PARD6B: variants seen among roughly 807,000 people sequenced by gnomAD.
PARD6B encodes the protein partitioning defective 6 homolog beta.
Under a neutral mutation model 10.5 loss-of-function variants are expected in PARD6B, and 4 were observed. The observed-to-expected ratio is 0.38, with a 90% CI of 0.19 to 0.87. The LOEUF (loss-of-function observed/expected upper bound fraction) is 0.87. Ranked by LOEUF, PARD6B falls within the 40% of genes least tolerant of loss-of-function variation. PARD6B has a pLI of 0.41. For synonymous variants in PARD6B, 169 were observed against 170.4 expected (o/e 0.99, Z 0.07); for missense variants, 396 against 470.6 (o/e 0.84, Z 1.47).
At chr20:50,741,793 G>C (rs1406092345) in intron 2 of PARD6B, among the ~76,000 whole-genome samples, 2 of 151,862 alleles carry the variant, frequency 1.3e-5, no homozygotes, top group Non-Finnish European at 2.9e-5. Flanking sequence ...TGATCCGCCC[G>C]TCTCGGCCTC....
Position 50,752,708 on chromosome 20 carries a change from T to G in PARD6B, c.*2220T>G. On this transcript the variant is annotated 3_prime_UTR_variant, in exon 3 of 3. Transcript: ENST00000371610. ...TTACAACAATGAAGATTCAAATGACTCCGCTTTGAAGGATGTTTTCTCTAT... is the reference window on the plus strand; with the variant it reads ...TTACAACAATGAAGATTCAAATGACGCCGCTTTGAAGGATGTTTTCTCTAT... The G allele has an allele frequency of 1.0e-6, 1 of 980,596 alleles. No individual in the cohort carries two copies. 60.7% of individuals were successfully genotyped at this position (980,596 alleles called of 1,614,324 possible).
In PARD6B at chr20:50,738,061, A is replaced by G. The variant is rs142921418; in HGVS notation, c.271A>G (p.Ile91Val). Residue 91 changes from isoleucine (I) to valine (V), a missense_variant, in exon 2 of 3, where the codon ATA becomes GTA. By Grantham distance (29) the Ile-to-Val change is conservative. This residue lies in a region of PARD6B where 208 missense variants were observed against 300.9 expected (regional missense o/e 0.69). Transcript: ENST00000371610. Reference protein sequence around the residue: ...AVSTANPLLRIFIQKKEEADY... With the variant: ...AVSTANPLLRVFIQKKEEADY... ...TTCAACGGCCAATCCACTGCTTAGG[A>G]TATTTATACAAAAGAAGGGTAAGTA... The G allele has an allele frequency of 8.0e-3, 12,782 of 1,601,864 alleles. 53 individuals are homozygous for G. The highest frequency in any genetic ancestry group is 9.4e-3 in the Non-Finnish European group (11,014 of 1,174,560).
rs769617961 is a variant in PARD6B at position 50,752,242 on chromosome 20, A to G, written c.*1754A>G. 6 of 985,532 alleles carry G rather than the reference A, an allele frequency of 6.1e-6. No individual in the cohort carries two copies. The highest frequency in any genetic ancestry group is 7.2e-6 in the Non-Finnish European group (6 of 829,894). 61.0% of individuals were successfully genotyped at this position (985,532 alleles called of 1,614,324 possible). On this transcript the variant is annotated 3_prime_UTR_variant, in exon 3 of 3. Transcript: ENST00000371610. ...GTGTATTTTTGTTGGTGTGCTTTTA[A>G]TGCATCCAAGTATGCATCATTTTGG... is the stretch of plus-strand genomic sequence containing the variant.
intron 1 of PARD6B, among the ~76,000 whole-genome samples, chr20:50,733,209 C>T (rs1326075123): frequency 6.6e-6 from 1 of 152,208 alleles, no homozygotes; most frequent in Non-Finnish European, 1.5e-5. Flanking sequence ...CACCTGAGGT[C>T]AGGAGTGCCA....
At position 50,752,026 on chromosome 20, in the gene PARD6B, T is replaced by C. The variant is rs938626443; in HGVS notation, c.*1538T>C. 1.5e-5 allele frequency: 15 copies of C among 985,438 alleles called. No individual in the cohort carries two copies. Among genetic ancestry groups the C allele is most frequent in the Non-Finnish European group, 1.6e-5 (13 of 829,924 alleles). The allele number at this position is 985,438 out of a possible 1,614,324, so 61.0% of individuals were successfully genotyped here. On this transcript the variant is annotated 3_prime_UTR_variant, in exon 3 of 3. Transcript: ENST00000371610. ...TATCTTTTCTTGAGTTATGAAACTT[T>C]GCAACAGTTGTTCAAATTGGTGTTT...
rs760736187 is a variant in PARD6B at position 50,752,475 on chromosome 20, C to T, written c.*1987C>T. 1.0e-6 allele frequency: 1 copy of T among 985,436 alleles called. No individual in the cohort carries two copies. Among genetic ancestry groups the T allele is most frequent in the African/African-American group, 1.7e-5 (1 of 57,230 alleles). The allele number at this position is 985,436 out of a possible 1,614,324, so 61.0% of individuals were successfully genotyped here. A position where few individuals can be genotyped will look rare whatever the true frequency, so the allele number is the denominator to read the frequency against. ...GGCTATTTATTACTTTCCAATGCAT[C>T]CACTTAGAACAAGCTAAGAGTAAGG... On this transcript the variant is annotated 3_prime_UTR_variant, in exon 3 of 3. Coordinates refer to ENST00000371610, the MANE Select transcript of PARD6B (RefSeq NM_032521.3).
chr20:50,743,028 A>G (rs1326265220), intron 2 of PARD6B, among the ~76,000 whole-genome samples: 1 of 152,184 alleles, frequency 6.6e-6, no homozygotes, highest in African/African-American at 2.4e-5. Flanking sequence ...TGGGGAAGAG[A>G]AGGTACAGAA....
chr20:50,732,666 T>G (rs543704786), intron 1 of PARD6B, among the ~76,000 whole-genome samples: 12 of 152,310 alleles, frequency 7.9e-5, no homozygotes, highest in African/African-American at 2.6e-4. Context: ...CAGCAAGCGT[T>G]TCTTGAGTTG....
chr20:50,751,852 C>T lies in PARD6B; in HGVS notation c.*1364C>T, dbSNP rs1383074654. 33 of 873,060 alleles carry T rather than the reference C, an allele frequency of 3.8e-5. No individual in the cohort carries two copies. The highest frequency in any genetic ancestry group is 4.4e-5 in the Non-Finnish European group (32 of 728,476). The allele number at this position is 873,060 out of a possible 1,614,324, so 54.1% of individuals were successfully genotyped here. On this transcript the variant is annotated 3_prime_UTR_variant, in exon 3 of 3. Transcript: ENST00000371610. ...GAGTAGCTAAGATTACAGGTGTGCG[C>T]CAACACGTCTGGCTTATTTTTTTGT...
At chr20:50,739,887 A>G (rs2087521293) in intron 2 of PARD6B, among the ~76,000 whole-genome samples, 2 of 30,276 alleles carry the variant, frequency 6.6e-5, no homozygotes, top group Admixed American at 5.0e-4. Context: ...GGAGGGGAGA[A>G]GGCAGTGGCG....
chr20:50,750,268 A>G lies in PARD6B; in HGVS notation c.899A>G (p.Asp300Gly). ...GAAGAAGATGACATTATCATTGAAG[A>G]CAATGGAGTGCCACAGCAGATTCCA... is the stretch of plus-strand genomic sequence containing the variant. ...DSEEDDIIIEDNGVPQQIPKA... is the reference protein window; with the variant it reads ...DSEEDDIIIEGNGVPQQIPKA... Residue 300 changes from aspartate (D) to glycine (G), a missense_variant, in exon 3 of 3, where the codon GAC (aspartate) becomes GGC (glycine). By Grantham distance (94) the Asp-to-Gly change is moderately conservative (BLOSUM62 -1). Around this residue, in one of 2 missense-constraint regions of PARD6B, gnomAD observed 188 missense variants for 169.7 expected, o/e 1.11. Coordinates refer to ENST00000371610, the MANE Select transcript of PARD6B (RefSeq NM_032521.3). The G allele has an allele frequency of 6.2e-7, 1 of 1,614,214 alleles. No homozygotes were observed. The highest frequency in any genetic ancestry group is 2.2e-5 in the East Asian group (1 of 44,886).
chr20:50,741,909 T>G (rs2087532935), intron 2 of PARD6B, among the ~76,000 whole-genome samples: 1 of 152,158 alleles, frequency 6.6e-6, no homozygotes, highest in Admixed American at 6.5e-5. Context: ...TATGTAAACC[T>G]TAATGAACAT....
rs1428309675 is a variant in PARD6B, at chr20:50,752,791, C to T, written c.*2303C>T. On this transcript the variant is annotated 3_prime_UTR_variant, in exon 3 of 3. Coordinates refer to ENST00000371610, the MANE Select transcript of PARD6B (RefSeq NM_032521.3). ...CGTGAAGATCACTTGACTCAGAATA[C>T]TTCAATGTATTTTGTTCACATTACC... The T allele has an allele frequency of 9.2e-6, 9 of 975,722 alleles. No homozygotes were observed. The allele number at this position is 975,722 out of a possible 1,614,324, so 60.4% of individuals were successfully genotyped here.
At position 50,753,312 on chromosome 20, in the gene PARD6B, T is replaced by TA. The variant is rs2087625326; in HGVS notation, c.*2825dup. On this transcript the variant is annotated 3_prime_UTR_variant, in exon 3 of 3. Coordinates refer to ENST00000371610, the MANE Select transcript of PARD6B (RefSeq NM_032521.3). ...ATTGGTGAAATAATTGATTACTAGA[T>TA]ATATTGTAAAACCAATAGATCCTGG... is the stretch of plus-strand genomic sequence containing the variant. 1 of 984,648 alleles carries TA rather than the reference T, an allele frequency of 1.0e-6. No homozygotes were observed. Among genetic ancestry groups the TA allele is most frequent in the Non-Finnish European group, 1.2e-6 (1 of 828,834 alleles). 61.0% of individuals were successfully genotyped at this position (984,648 alleles called of 1,614,324 possible). A position where few individuals can be genotyped will look rare whatever the true frequency, so the allele number is the denominator to read the frequency against.
In PARD6B at chr20:50,751,266, G is replaced by GAT. The variant is rs1160912810; in HGVS notation, c.*779_*780dup. 1.0e-6 allele frequency: 1 copy of GAT among 956,442 alleles called. No homozygotes were observed. The highest frequency in any genetic ancestry group is 2.0e-5 in the African/African-American group (1 of 49,524). The allele number at this position is 956,442 out of a possible 1,614,324, so 59.2% of individuals were successfully genotyped here. On this transcript the variant is annotated 3_prime_UTR_variant, in exon 3 of 3. Coordinates refer to ENST00000371610, the MANE Select transcript of PARD6B (RefSeq NM_032521.3). ...AGAGCCACCATGCCCAGCCTATTTT[G>GAT]ATTTTTGTTTTTTTATGTTCCTTTC...
chr20:50,753,407 TATC>T lies in PARD6B; in HGVS notation c.*2921_*2923del, dbSNP rs1191860171. 1 of 983,790 alleles carries T rather than the reference TATC, an allele frequency of 1.0e-6. No individual in the cohort carries two copies. The highest frequency in any genetic ancestry group is 1.2e-6 in the Non-Finnish European group (1 of 828,170). The allele number at this position is 983,790 out of a possible 1,614,324, so 60.9% of individuals were successfully genotyped here. A position where few individuals can be genotyped will look rare whatever the true frequency, so the allele number is the denominator to read the frequency against. On this transcript the variant is annotated 3_prime_UTR_variant, in exon 3 of 3. Coordinates refer to ENST00000371610, the MANE Select transcript of PARD6B (RefSeq NM_032521.3). The stretch of plus-strand genomic sequence containing the variant: ...TTCAAGTGCACCTTATTAACAAAAG[TATC>T]AGTGGATCCAACATAAAATTTTATA...
chr20:50,737,289 T>C (rs1041163072), intron 1 of PARD6B, among the ~76,000 whole-genome samples: 1 of 152,226 alleles, frequency 6.6e-6, no homozygotes, highest in Non-Finnish European at 1.5e-5. Flanking sequence ...TGGATAGTTA[T>C]AGGACATACA....
Position 50,750,829 on chromosome 20 carries a change from G to C in PARD6B, c.*341G>C. 9.7e-7 allele frequency: 1 copy of C among 1,031,852 alleles called. No homozygotes were observed. The highest frequency in any genetic ancestry group is 5.1e-5 in the Admixed American group (1 of 19,648). The allele number at this position is 1,031,852 out of a possible 1,614,324, so 63.9% of individuals were successfully genotyped here. A position where few individuals can be genotyped will look rare whatever the true frequency, so the allele number is the denominator to read the frequency against. The stretch of plus-strand genomic sequence containing the variant: ...AGTGGTTGCATATTTAACCTGCTGT[G>C]CAGAGCCCAGTTAATTTTTCCTTTA... On this transcript the variant is annotated 3_prime_UTR_variant, in exon 3 of 3. Transcript: ENST00000371610.
At chr20:50,732,058 CAGGA>C (rs1228728798) in intron 1 of PARD6B, among the ~76,000 whole-genome samples, 1 of 152,234 alleles carries the variant, frequency 6.6e-6, no homozygotes, top group East Asian at 1.9e-4. Flanking sequence ...CTGGCCCGGG[CAGGA>C]AGAAGACCTA....
Sources: gnomAD v4.1 joint callset for allele counts (sites outside exome capture counted in the v4.1 genomes callset) on GRCh38, gnomAD v4.1.1 for gene constraint, gnomAD v4.1.1 regional missense constraint, MANE v1.5 for transcripts, NCBI Gene and HGNC (gene_info 2026-07-23, HGNC 2026-07-21) for gene names.